Variants in MPPED2 observed in about 807,000 individuals in gnomAD.
The protein encoded by MPPED2 is metallophosphoesterase MPPED2.
MPPED2 carries 5 observed loss-of-function variants against 33.0 expected under a neutral mutation model. That is an observed-to-expected ratio of 0.15 (90% CI 0.08 to 0.32). MPPED2 has a LOEUF of 0.32. MPPED2 is among the 10% of genes least tolerant of loss of function. MPPED2 has a pLI of 1.00. For synonymous variants in MPPED2, 136 were observed against 141.9 expected (o/e 0.96, Z 0.29); for missense variants, 275 against 372.1 (o/e 0.74, Z 2.15).
At chr11:30,549,183 C>T (rs1372047372) in intron 2 of MPPED2, among the ~76,000 whole-genome samples, 2 of 152,184 alleles carry the variant, frequency 1.3e-5, no homozygotes, top group Non-Finnish European at 2.9e-5. Context: ...GAAAATAACA[C>T]ACAAAGCCAA....
chr11:30,585,933 C>A (rs1243008097), intron 1 of MPPED2, 109 bp downstream of exon 1: 3 of 152,284 alleles, frequency 2.0e-5, no homozygotes, highest in Non-Finnish European at 4.4e-5. Context: ...CTCACCCGGG[C>A]TCCGCTTTGT....
intron 4 of MPPED2, among the ~76,000 whole-genome samples, chr11:30,478,479 C>T (rs1479898790): frequency 6.6e-6 from 1 of 151,920 alleles, no homozygotes; most frequent in Non-Finnish European, 1.5e-5. Flanking sequence ...AGTAATCAGG[C>T]TCTCTGTGGG....
intron 4 of MPPED2, among the ~76,000 whole-genome samples, chr11:30,459,229 A>C (rs1345063498): frequency 6.6e-6 from 1 of 151,930 alleles, no homozygotes; most frequent in African/African-American, 2.4e-5. Flanking sequence ...TTTTTGTTCA[A>C]TCCTCAGAAA....
downstream of MPPED2, among the ~76,000 whole-genome samples, chr11:30,408,361 G>A (rs1367695219): frequency 6.6e-6 from 1 of 152,210 alleles, no homozygotes; most frequent in Non-Finnish European, 1.5e-5. Context: ...CCAGGCTGGA[G>A]TGCAATGGCA....
chr11:30,437,506 T>C (rs1949375301), intron 4 of MPPED2, among the ~76,000 whole-genome samples: 1 of 152,164 alleles, frequency 6.6e-6, no homozygotes, highest in Non-Finnish European at 1.5e-5. Context: ...AGTAAGTCCT[T>C]TCCTGTTAGG....
At chr11:30,441,051 T>G (rs1949548814) in intron 4 of MPPED2, among the ~76,000 whole-genome samples, 1 of 152,138 alleles carries the variant, frequency 6.6e-6, no homozygotes, top group East Asian at 1.9e-4. Context: ...GCAGCAAATC[T>G]CAAACCAATC....
intron 6 of MPPED2, among the ~76,000 whole-genome samples, chr11:30,398,959 G>A (rs528877223): frequency 9.9e-5 from 15 of 152,074 alleles, no homozygotes; most frequent in African/African-American, 3.6e-4. Flanking sequence ...ATGTGAGGAC[G>A]ATCATACATC....
chr11:30,395,653 G>C (rs894625119), intron 6 of MPPED2, among the ~76,000 whole-genome samples: 1 of 152,142 alleles, frequency 6.6e-6, no homozygotes, highest in African/African-American at 2.4e-5. Context: ...GCTTAGTTTG[G>C]CCTCTTAAAA....
intron 1 of MPPED2, among the ~76,000 whole-genome samples, chr11:30,580,812 C>T (rs1957131964): frequency 6.6e-6 from 1 of 152,212 alleles, no homozygotes; most frequent in Non-Finnish European, 1.5e-5. Flanking sequence ...TCTGGCTATA[C>T]ATGGTTTGTG....
intron 4 of MPPED2, among the ~76,000 whole-genome samples, chr11:30,453,200 G>T (rs1950137866): frequency 6.6e-6 from 1 of 152,024 alleles, no homozygotes; most frequent in African/African-American, 2.4e-5. Context: ...GTGAGTTCGG[G>T]GTTCAAGCCT....
intron 4 of MPPED2, among the ~76,000 whole-genome samples, chr11:30,425,132 T>C (rs1222773549): frequency 1.3e-5 from 2 of 152,118 alleles, no homozygotes; most frequent in Non-Finnish European, 2.9e-5. Context: ...CTGTGTGTCA[T>C]GGACAGGAAA....
intron 4 of MPPED2, among the ~76,000 whole-genome samples, chr11:30,435,252 C>T (rs1565065101): frequency 1.3e-5 from 2 of 152,190 alleles, no homozygotes; most frequent in South Asian, 2.1e-4. Flanking sequence ...TCTCCCCAGT[C>T]CCCTCTACTC....
intron 2 of MPPED2, among the ~76,000 whole-genome samples, chr11:30,567,414 C>T (rs1956493136): frequency 6.6e-6 from 1 of 152,104 alleles, no homozygotes; most frequent in Admixed American, 6.5e-5. Context: ...AATTTGATCC[C>T]ATCAGAGTTT....
chr11:30,401,152 GT>G (rs1331115746), intron 6 of MPPED2, among the ~76,000 whole-genome samples: 4 of 152,158 alleles, frequency 2.6e-5, no homozygotes, highest in Non-Finnish European at 5.9e-5. Context: ...AAATAGTTTG[GT>G]TTTCGAAAAA....
At chr11:30,494,329 A>C (rs1952129696) in intron 4 of MPPED2, among the ~76,000 whole-genome samples, 1 of 152,166 alleles carries the variant, frequency 6.6e-6, no homozygotes, top group Admixed American at 6.5e-5. Flanking sequence ...CCTCCTCTCA[A>C]ATCCTTCTGT....
At chr11:30,436,020 C>T (rs942931238) in intron 4 of MPPED2, among the ~76,000 whole-genome samples, 3 of 149,784 alleles carry the variant, frequency 2.0e-5, no homozygotes, top group Non-Finnish European at 4.4e-5. Context: ...GGTGTTCCTT[C>T]CTCTGGCTAT....
chr11:30,571,616 A>C (rs761391581), intron 2 of MPPED2, among the ~76,000 whole-genome samples: 6 of 152,198 alleles, frequency 3.9e-5, no homozygotes, highest in Non-Finnish European at 7.4e-5. Context: ...CCAGTAAGCT[A>C]TGAAAGTCTA....
intron 4 of MPPED2, among the ~76,000 whole-genome samples, chr11:30,489,051 CCTT>C (rs1951861901): frequency 1.9e-4 from 7 of 37,018 alleles, no homozygotes; most frequent in Non-Finnish European, 2.2e-4. Context: ...TTCTTCTTCT[CCTT>C]TTTTTTTTTT....
In MPPED2 at chr11:30,419,913, A is replaced by G. The variant is rs943524126; in HGVS notation, c.537-2280T>C. 3.3e-5 allele frequency among the ~76,000 whole-genome samples: 5 copies of G among 152,138 alleles called. No individual in the cohort carries two copies. The East Asian group carries it at 5.8e-4, about 18-fold the overall frequency. On this transcript the variant is annotated intron_variant, in intron 4 of 6. Transcript: ENST00000358117. ...TCCAGCTGTACCTGAAGCCAACTGA[A>G]CTTTTCCTTCTAAGGGCCAATAAAA...
Sources: gnomAD v4.1 joint callset for allele counts (sites outside exome capture counted in the v4.1 genomes callset) on GRCh38, gnomAD v4.1.1 for gene constraint, MANE v1.5 for transcripts, NCBI Gene and HGNC (gene_info 2026-07-23, HGNC 2026-07-21) for gene names.